RORC: variants seen among roughly 807,000 people sequenced by gnomAD.
The protein encoded by RORC is nuclear receptor ROR-gamma.
A neutral mutation model predicts 64.5 loss-of-function variants in RORC; 13 were observed. That is an observed-to-expected ratio of 0.20 (90% CI 0.13 to 0.32). The LOEUF (loss-of-function observed/expected upper bound fraction) is 0.32, where lower values mean the gene tolerates loss of function less well. Ranked by LOEUF, RORC falls within the 10% of genes least tolerant of loss-of-function variation. The pLI, the probability that RORC is intolerant of heterozygous loss-of-function variation, is 1.00. For synonymous variants in RORC, 277 were observed against 259.3 expected (o/e 1.07, Z -0.65); for missense variants, 468 against 669.5 (o/e 0.70, Z 3.32).
At chr1:151,820,325 A>G (rs1471101442) in intron 2 of RORC, among the ~76,000 whole-genome samples, 1 of 152,248 alleles carries the variant, frequency 6.6e-6, no homozygotes, top group African/African-American at 2.4e-5. Flanking sequence ...ACTCACCTTC[A>G]AAAGCTACCC....
At chr1:151,812,391 A>T (rs1192738437) in intron 9 of RORC, 1 of 153,098 alleles carries the variant, frequency 6.5e-6, no homozygotes, top group Non-Finnish European at 1.5e-5. Flanking sequence ...TTTGTGTTAT[A>T]TGCTTTTGCC....
intron 2 of RORC, among the ~76,000 whole-genome samples, chr1:151,820,999 A>G (rs1048735135): frequency 3.3e-5 from 5 of 152,196 alleles, no homozygotes; most frequent in Non-Finnish European, 7.3e-5. Flanking sequence ...ACAATACTAG[A>G]AAAAGAAACT....
intron 2 of RORC, among the ~76,000 whole-genome samples, chr1:151,827,608 T>C (rs1475732685): frequency 1.3e-5 from 2 of 152,210 alleles, no homozygotes; most frequent in Admixed American, 1.3e-4. Context: ...GGGGAGGCCT[T>C]AATGTCTCCT....
intron 2 of RORC, among the ~76,000 whole-genome samples, chr1:151,825,284 G>GCA (rs370325728): frequency 6.6e-6 from 1 of 151,470 alleles, no homozygotes; most frequent in Non-Finnish European, 1.5e-5. Flanking sequence ...ACACACACAC[G>GCA]CACACACACA....
chr1:151,820,789 C>T (rs1017226935), intron 2 of RORC, among the ~76,000 whole-genome samples: 5 of 152,294 alleles, frequency 3.3e-5, no homozygotes, highest in African/African-American at 1.2e-4. Context: ...CAAGATTCTG[C>T]ACTTTGGTCA....
chr1:151,825,268 C>T (rs1652145159), intron 2 of RORC, among the ~76,000 whole-genome samples: 1 of 152,106 alleles, frequency 6.6e-6, no homozygotes, highest in South Asian at 2.1e-4. Flanking sequence ...CATACACACA[C>T]ACCCCACACA....
Position 151,815,115 on chromosome 1 carries a change from T to G in RORC, c.609A>C (p.Glu203Asp). Residue 203 changes from glutamate (E) to aspartate (D), a missense_variant, in exon 5 of 11, where the codon GAA (glutamate) becomes GAC (aspartate). Around this residue, in one of 5 missense-constraint regions of RORC, gnomAD observed 241 missense variants for 295.5 expected, o/e 0.82. Transcript: ENST00000318247. The stretch of plus-strand genomic sequence containing the variant: ...CAGCCTTGCCCCGCTCAGGGCTGTA[T>G]TCAAGGTGGCATGAGGCCCCATTGA... ...AGLNGASCHL[E>D]YSPERGKAEG... 6.2e-7 allele frequency: 1 copy of G among 1,614,226 alleles called. No homozygotes were observed. Among genetic ancestry groups the G allele is most frequent in the Non-Finnish European group, 8.5e-7 (1 of 1,180,014 alleles).
intron 2 of RORC, among the ~76,000 whole-genome samples, chr1:151,825,448 T>C (rs2101674164): frequency 6.6e-6 from 1 of 152,310 alleles, no homozygotes. Flanking sequence ...TGACTCTCGC[T>C]GTCCTGTTGC....
rs1337590997 is a variant in RORC, at chr1:151,816,726, C to G, written c.236G>C (p.Ser79Thr). ...RQQNCPIDRT[S>T]RNRCQHCRLQ... The stretch of plus-strand genomic sequence containing the variant: ...GCGGCAGTGCTGGCATCGGTTTCGG[C>G]TGGTGCGGTCGATGGGGCAGTTCTG... The change falls in exon 4 of 11, where the codon AGC (serine) becomes ACC (threonine). Residue 79 changes from serine (S) to threonine (T), a missense_variant. Around this residue, in one of 5 missense-constraint regions of RORC, gnomAD observed 241 missense variants for 295.5 expected, o/e 0.82. Coordinates refer to ENST00000318247, the MANE Select transcript of RORC (RefSeq NM_005060.4). The G allele has an allele frequency of 6.2e-7, 1 of 1,601,322 alleles. No homozygotes were observed. The highest frequency in any genetic ancestry group is 8.5e-7 in the Non-Finnish European group (1 of 1,173,762).
At chr1:151,827,873 G>A (rs1028531586) in intron 2 of RORC, among the ~76,000 whole-genome samples, 2 of 152,156 alleles carry the variant, frequency 1.3e-5, no homozygotes, top group Non-Finnish European at 2.9e-5. Context: ...GGGGTTAAGG[G>A]TAGGAATAGG....
At chr1:151,821,862 T>A (rs992530045) in intron 2 of RORC, among the ~76,000 whole-genome samples, 2 of 152,114 alleles carry the variant, frequency 1.3e-5, no homozygotes, top group African/African-American at 4.8e-5. Flanking sequence ...CTCCTGTTTG[T>A]ATAAAGATCC....
In RORC at chr1:151,830,659, C is replaced by CACACACACACACACAT. The variant is rs59443678; in HGVS notation, c.40+1065_40+1066insATGTGTGTGTGTGTGT. 0.076 allele frequency among the ~76,000 whole-genome samples: 10,597 copies of CACACACACACACACAT among 138,984 alleles called. 798 individuals carry two copies. The highest frequency in any genetic ancestry group is 0.11 in the Admixed American group (1,576 of 13,956). The allele number at this position is 138,984 out of a possible 152,430, so 91.2% of individuals were successfully genotyped here. On this transcript the variant is annotated intron_variant, in intron 1 of 10. Coordinates refer to ENST00000318247, the MANE Select transcript of RORC (RefSeq NM_005060.4). The surrounding 1 kb of genome is among the most constrained non-coding windows in gnomAD (Gnocchi z 4.0). ...ACACACACACACACACACACACACA[C>CACACACACACACACAT]ACAGTGCCCTTCTGCCCGGGAGATG...
intron 4 of RORC, 25 bp from the exon 5 acceptor site, chr1:151,815,450 G>T (rs201362769): frequency 1.3e-6 from 2 of 1,516,238 alleles, no homozygotes; most frequent in Non-Finnish European, 1.8e-6. Context: ...GGGACCAGGG[G>T]TTTATGAGGC....
intron 2 of RORC, among the ~76,000 whole-genome samples, chr1:151,819,834 G>A (rs6693413): frequency 0.44 from 66,086 of 151,860 alleles, 15,147 homozygotes; most frequent in Non-Finnish European, 0.52. Context: ...ATGTTTGGGC[G>A]ACACCAAAGC....
intron 2 of RORC, chr1:151,826,078 C>A: frequency 1.3e-6 from 2 of 1,490,122 alleles, no homozygotes; most frequent in Non-Finnish European, 1.8e-6. Context: ...CTAGCTCTCT[C>A]CCCCAGTGCT....
intron 2 of RORC, among the ~76,000 whole-genome samples, chr1:151,822,101 T>C (rs1652015356): frequency 1.3e-5 from 2 of 151,868 alleles, no homozygotes; most frequent in African/African-American, 4.8e-5. Context: ...GGAATGCATC[T>C]CTTTCCTTAG....
chr1:151,816,844 G>A, intron 3 of RORC, 39 bp from the exon 4 acceptor site: 1 of 1,485,744 alleles, frequency 6.7e-7, no homozygotes, highest in Non-Finnish European at 9.0e-7. Context: ...GCTTATCCTG[G>A]TCAGGCCCAG....
Position 151,806,166 on chromosome 1 carries a change from A to AC in RORC, c.*1305dup, listed in dbSNP as rs970874086. On this transcript the variant is annotated 3_prime_UTR_variant, in exon 11 of 11. Transcript: ENST00000318247. ...CTTAGAGGACACAATCCCACCCCCA[A>AC]CCCCCCCAACTCCACGACTGCCCAT... is the stretch of plus-strand genomic sequence containing the variant. 8 of 151,770 alleles carry AC rather than the reference A, an allele frequency of 5.3e-5. No individual in the cohort carries two copies. Among genetic ancestry groups the AC allele is most frequent in the Non-Finnish European group, 1.5e-5 (1 of 67,760 alleles). 9.4% of individuals were successfully genotyped at this position (151,770 alleles called of 1,614,324 possible).
At chr1:151,819,225 C>T (rs1651888687) in intron 2 of RORC, among the ~76,000 whole-genome samples, 1 of 152,172 alleles carries the variant, frequency 6.6e-6, no homozygotes, top group African/African-American at 2.4e-5. Flanking sequence ...TTGGGGCCCC[C>T]ATACTTCTAG....
Sources: gnomAD v4.1 joint callset for allele counts (sites outside exome capture counted in the v4.1 genomes callset) on GRCh38, gnomAD v4.1.1 for gene constraint, gnomAD v4.1.1 regional missense constraint, Gnocchi (gnomAD v3.1) non-coding constraint, MANE v1.5 for transcripts, NCBI Gene and HGNC (gene_info 2026-07-23, HGNC 2026-07-21) for gene names.